The following ZNF569 variants were observed in gnomAD, a reference collection of about 807,000 sequenced individuals.
ZNF569 encodes the protein zinc finger protein 569.
A neutral mutation model predicts 56.3 loss-of-function variants in ZNF569; 38 were observed. That is an observed-to-expected ratio of 0.68 (90% CI 0.52 to 0.88). ZNF569 has a LOEUF of 0.88. Among genes scored for constraint, ZNF569 ranks in the 40% least tolerant of loss-of-function variants. The pLI is 0.00. For missense variants in ZNF569, 666 were observed against 809.2 expected, an observed-to-expected ratio of 0.82 and a Z score of 2.15; for synonymous variants, 241 against 262.9, an observed-to-expected ratio of 0.92 and a Z score of 0.81.
In ZNF569 at chr19:37,455,097, T is replaced by G. The variant is rs1172895044; in HGVS notation, c.-43-10133A>C. 5 of 438,144 alleles carry G rather than the reference T, an allele frequency of 1.1e-5. No individual in the cohort carries two copies. In the East Asian group the frequency reaches 1.8e-4, roughly 16 times the overall value. 27.1% of individuals were successfully genotyped at this position (438,144 alleles called of 1,614,324 possible). A position where few individuals can be genotyped will look rare whatever the true frequency, so the allele number is the denominator to read the frequency against. Reference sequence around the variant, plus strand: ...CCCTAAGGAGAAACCCAAAGTCCCCTCATTACAATAAACTTTTGAGAAGTC... The same window carrying G: ...CCCTAAGGAGAAACCCAAAGTCCCCGCATTACAATAAACTTTTGAGAAGTC... On this transcript the variant is annotated intron_variant, in intron 2 of 5. Coordinates refer to ENST00000316950, the MANE Select transcript of ZNF569 (RefSeq NM_152484.3).
intron 2 of ZNF569, among the ~76,000 whole-genome samples, chr19:37,446,567 A>G (rs73631067): frequency 2.7e-4 from 38 of 141,028 alleles, no homozygotes; most frequent in African/African-American, 3.6e-4. Context: ...AAAAAAAAAA[A>G]AAGAATGAAA....
intron 3 of ZNF569, among the ~76,000 whole-genome samples, chr19:37,434,279 AC>A (rs1226985904): frequency 1.5e-5 from 2 of 130,310 alleles, no homozygotes; most frequent in African/African-American, 7.0e-5. Context: ...CAGCCTGGTG[AC>A]AAGAGCGAGA....
chr19:37,414,821 A>G (rs1457406021), intron 5 of ZNF569, among the ~76,000 whole-genome samples: 1 of 152,126 alleles, frequency 6.6e-6, no homozygotes, highest in Non-Finnish European at 1.5e-5. Context: ...TAATCTAAAC[A>G]CTTTTCTGGA....
chr19:37,415,095 G>A (rs576925400), intron 5 of ZNF569, among the ~76,000 whole-genome samples: 1 of 151,946 alleles, frequency 6.6e-6, no homozygotes, highest in South Asian at 2.1e-4. Flanking sequence ...CACCAAAAAA[G>A]CAAACTATCC....
chr19:37,463,392 A>G (rs1225529745), intron 2 of ZNF569, among the ~76,000 whole-genome samples: 1 of 152,240 alleles, frequency 6.6e-6, no homozygotes, highest in African/African-American at 2.4e-5. Context: ...CTAGGTTTAT[A>G]TAAGTACACT....
intron 2 of ZNF569, among the ~76,000 whole-genome samples, chr19:37,448,834 G>A (rs184537038): frequency 1.5e-3 from 231 of 151,950 alleles, no homozygotes; most frequent in Non-Finnish European, 2.8e-3. Flanking sequence ...AAGAGCCACC[G>A]CATCCGGCCT....
intron 2 of ZNF569, among the ~76,000 whole-genome samples, chr19:37,456,784 T>C (rs1012190221): frequency 1.3e-5 from 2 of 151,908 alleles, no homozygotes; most frequent in African/African-American, 4.8e-5. Context: ...CTCGCCAACA[T>C]AGTGAAACCT....
chr19:37,468,470 C>T (rs10420754), upstream of ZNF569, among the ~76,000 whole-genome samples: 3 of 151,858 alleles, frequency 2.0e-5, no homozygotes, highest in Non-Finnish European at 4.4e-5. Context: ...GGGCAAAGCG[C>T]ACGGATCATT....
rs1030413684 is a variant in ZNF569 at position 37,418,557 on chromosome 19, G to A, written c.239-4138C>T. Among the ~76,000 whole-genome samples the A allele has an allele frequency of 3.3e-5, 5 of 152,152 alleles. No homozygotes were observed. In the East Asian group the frequency reaches 9.6e-4, roughly 29 times the overall value. On this transcript the variant is annotated intron_variant, in intron 5 of 5. Coordinates refer to ENST00000316950, the MANE Select transcript of ZNF569 (RefSeq NM_152484.3). ...AAGAACCGAGAACGCTAAAACCCATGTGCCTGCAGACGAAGATGTCAAAAA... is the reference window on the plus strand; with the variant it reads ...AAGAACCGAGAACGCTAAAACCCATATGCCTGCAGACGAAGATGTCAAAAA...
intron 5 of ZNF569, among the ~76,000 whole-genome samples, chr19:37,423,672 C>T (rs1303141414): frequency 2.0e-5 from 3 of 152,146 alleles, no homozygotes; most frequent in Non-Finnish European, 4.4e-5. Flanking sequence ...ATGTGCCAAT[C>T]AGCTCAATAT....
chr19:37,468,277 T>TA (rs1263584431), upstream of ZNF569, among the ~76,000 whole-genome samples: 1 of 151,830 alleles, frequency 6.6e-6, no homozygotes, highest in African/African-American at 2.4e-5. Context: ...TTAGTAGAGA[T>TA]AAGGTCTCGC....
intron 2 of ZNF569, among the ~76,000 whole-genome samples, chr19:37,462,200 T>C (rs1420414734): frequency 2.6e-5 from 4 of 152,258 alleles, no homozygotes; most frequent in African/African-American, 4.8e-5. Flanking sequence ...GCCTGGGTAC[T>C]TCTCCCTCTC....
chr19:37,421,899 A>C (rs1419371704), intron 5 of ZNF569, among the ~76,000 whole-genome samples: 1 of 150,234 alleles, frequency 6.7e-6, no homozygotes, highest in Non-Finnish European at 1.5e-5. Context: ...ACAGGCATGC[A>C]CCATTACATC....
chr19:37,431,128 T>C (rs991399239), intron 3 of ZNF569, among the ~76,000 whole-genome samples: 2 of 152,094 alleles, frequency 1.3e-5, no homozygotes, highest in African/African-American at 2.4e-5. Flanking sequence ...GCCACAGGAA[T>C]TGCAATTCCT....
chr19:37,467,513 C>A, upstream of ZNF569: 1 of 265,576 alleles, frequency 3.8e-6, no homozygotes, highest in Non-Finnish European at 7.1e-6. Context: ...AAGGCACTTC[C>A]TTCTTACAGT....
intron 2 of ZNF569, among the ~76,000 whole-genome samples, chr19:37,461,312 TC>T (rs956346796): frequency 5.6e-5 from 8 of 142,150 alleles, no homozygotes; most frequent in African/African-American, 1.1e-4. Context: ...AAAAATATCC[TC>T]TTTTTTTTTT....
intron 5 of ZNF569, among the ~76,000 whole-genome samples, chr19:37,419,030 T>C (rs2040984589): frequency 6.6e-6 from 1 of 152,224 alleles, no homozygotes; most frequent in Non-Finnish European, 1.5e-5. Context: ...TTATGGTGAT[T>C]TGGATTTCTC....
intron 3 of ZNF569, among the ~76,000 whole-genome samples, chr19:37,428,321 T>C (rs1329446625): frequency 6.6e-6 from 1 of 151,878 alleles, no homozygotes; most frequent in East Asian, 1.9e-4. Flanking sequence ...CTGGGCAACA[T>C]AGCAAAACCT....
At chr19:37,427,614 C>A (rs914873876) in intron 3 of ZNF569, among the ~76,000 whole-genome samples, 6 of 152,170 alleles carry the variant, frequency 3.9e-5, no homozygotes, top group Admixed American at 3.3e-4. Context: ...AACTTATGAG[C>A]ATGAACATCC....
Sources: gnomAD v4.1 joint callset for allele counts (sites outside exome capture counted in the v4.1 genomes callset) on GRCh38, gnomAD v4.1.1 for gene constraint, MANE v1.5 for transcripts, NCBI Gene and HGNC (gene_info 2026-07-23, HGNC 2026-07-21) for gene names.